The following NAT1 variants were observed in gnomAD, a reference collection of about 807,000 sequenced individuals.
NAT1 encodes the protein N-acetyltransferase 1.
For missense variants in NAT1, 400 were observed against 339.2 expected, an observed-to-expected ratio of 1.18 and a Z score of -1.41; for synonymous variants, 144 against 122.6, an observed-to-expected ratio of 1.17 and a Z score of -1.16.
chr8:18,203,562 C>T (rs1472976025), intron 2 of NAT1, among the ~76,000 whole-genome samples: 1 of 152,176 alleles, frequency 6.6e-6, no homozygotes, highest in African/African-American at 2.4e-5. Flanking sequence ...AAACAAATGG[C>T]CACAGTGAGG....
chr8:18,174,270 T>C (rs1400762156), intron 2 of NAT1, among the ~76,000 whole-genome samples: 1 of 152,172 alleles, frequency 6.6e-6, no homozygotes, highest in African/African-American at 2.4e-5. Flanking sequence ...CCACCATCAC[T>C]GATTACAACA....
intron 2 of NAT1, among the ~76,000 whole-genome samples, chr8:18,220,536 A>G (rs557283227): frequency 1.3e-5 from 2 of 152,326 alleles, no homozygotes; most frequent in Non-Finnish European, 1.5e-5. Flanking sequence ...CTTTTCTAAA[A>G]TATTTAACAA....
intron 2 of NAT1, among the ~76,000 whole-genome samples, chr8:18,200,525 G>T (rs901068029): frequency 1.3e-5 from 2 of 152,180 alleles, no homozygotes; most frequent in Non-Finnish European, 1.5e-5. Context: ...CAGACACCGG[G>T]ATCTACTTAA....
intron 2 of NAT1, among the ~76,000 whole-genome samples, chr8:18,192,857 G>A (rs1345546486): frequency 6.6e-6 from 1 of 151,740 alleles, no homozygotes; most frequent in African/African-American, 2.4e-5. Context: ...GGGGAAGGGG[G>A]GAGGGATAGC....
chr8:18,188,691 T>TATATTTTAG (rs1802844955), intron 2 of NAT1, among the ~76,000 whole-genome samples: 1 of 151,840 alleles, frequency 6.6e-6, no homozygotes, highest in South Asian at 2.1e-4. Flanking sequence ...ATGTAATAGA[T>TATATTTTAG]ATACCTACTT....
intron 2 of NAT1, 68 bp downstream of exon 2, chr8:18,219,557 CTT>C (rs1224193693): frequency 6.2e-6 from 5 of 805,898 alleles, no homozygotes; most frequent in Non-Finnish European, 8.0e-6. Context: ...TCCTTTAAGT[CTT>C]ATATTTATGA....
At chr8:18,190,424 T>A (rs1171598487) in intron 2 of NAT1, among the ~76,000 whole-genome samples, 2 of 152,254 alleles carry the variant, frequency 1.3e-5, no homozygotes, top group Non-Finnish European at 2.9e-5. Context: ...CAGTGTGACA[T>A]CACTCTAGTG....
At chr8:18,180,551 G>T (rs919610808) in intron 2 of NAT1, among the ~76,000 whole-genome samples, 1 of 152,018 alleles carries the variant, frequency 6.6e-6, no homozygotes, top group African/African-American at 2.4e-5. Flanking sequence ...TTTGATACTA[G>T]AATAATGCTG....
chr8:18,208,613 C>A (rs1220129381), upstream of NAT1, among the ~76,000 whole-genome samples: 1 of 152,184 alleles, frequency 6.6e-6, no homozygotes, highest in Non-Finnish European at 1.5e-5. Flanking sequence ...TCAAGTTCAA[C>A]AAATATCCTC....
intron 2 of NAT1, among the ~76,000 whole-genome samples, chr8:18,173,165 C>A (rs185874707): frequency 6.6e-6 from 1 of 152,012 alleles, no homozygotes; most frequent in Admixed American, 6.6e-5. Flanking sequence ...CACACACACA[C>A]ACACACACAC....
chr8:18,206,471 T>A (rs1803724802), upstream of NAT1, among the ~76,000 whole-genome samples: 1 of 152,234 alleles, frequency 6.6e-6, no homozygotes, highest in Admixed American at 6.5e-5. Context: ...GCTATTCCTC[T>A]AAGATCTTCA....
intron 2 of NAT1, among the ~76,000 whole-genome samples, chr8:18,189,714 C>G (rs1802901974): frequency 6.6e-6 from 1 of 152,148 alleles, no homozygotes; most frequent in African/African-American, 2.4e-5. Flanking sequence ...TGTGTTCCAC[C>G]TGCATGATGA....
At chr8:18,215,512 C>G (rs188060316) in intron 1 of NAT1, among the ~76,000 whole-genome samples, 133 of 152,208 alleles carry the variant, frequency 8.7e-4, no homozygotes, top group African/African-American at 3.1e-3. Flanking sequence ...AATTAGTATT[C>G]TAAGGTATGA....
At chr8:18,171,016 A>C (rs1190136035) in intron 2 of NAT1, among the ~76,000 whole-genome samples, 1 of 152,164 alleles carries the variant, frequency 6.6e-6, no homozygotes, top group Non-Finnish European at 1.5e-5. Context: ...ACAGTTAACT[A>C]GATTGGATCC....
In NAT1 at chr8:18,223,528, G is replaced by C. The variant is rs538789028; in HGVS notation, c.*608G>C. The C allele has an allele frequency of 3.7e-4, 61 of 167,038 alleles. No individual in the cohort carries two copies. The highest frequency in any genetic ancestry group is 1.5e-3 in the African/African-American group (61 of 41,516). 10.3% of individuals were successfully genotyped at this position (167,038 alleles called of 1,614,324 possible). On this transcript the variant is annotated 3_prime_UTR_variant, in exon 3 of 3. Transcript: ENST00000307719. Reference sequence around the variant, plus strand: ...AATTACTTTTTAGATCTGTAGCTCTGACTCCTCAGGCATAAAATGGGAATA... The same window carrying C: ...AATTACTTTTTAGATCTGTAGCTCTCACTCCTCAGGCATAAAATGGGAATA...
chr8:18,192,147 AAAAC>A (rs1252343449), intron 2 of NAT1, among the ~76,000 whole-genome samples: 6 of 151,856 alleles, frequency 4.0e-5, no homozygotes, highest in Non-Finnish European at 8.8e-5. Context: ...TTACAAGAAA[AAAAC>A]AAACAACCCC....
intron 2 of NAT1, among the ~76,000 whole-genome samples, chr8:18,179,156 G>C (rs951244710): frequency 6.6e-6 from 1 of 151,966 alleles, no homozygotes; most frequent in Non-Finnish European, 1.5e-5. Context: ...CTGATATTTG[G>C]TGTCTGTTCC....
intron 2 of NAT1, among the ~76,000 whole-genome samples, chr8:18,179,542 C>T (rs899478838): frequency 2.0e-5 from 3 of 152,086 alleles, no homozygotes; most frequent in African/African-American, 4.8e-5. Context: ...TAAGAAATGG[C>T]GTATTGAAAT....
At chr8:18,219,095 C>T (rs77670418) in intron 1 of NAT1, among the ~76,000 whole-genome samples, 16 of 152,096 alleles carry the variant, frequency 1.1e-4, no homozygotes, top group Non-Finnish European at 8.8e-5. Flanking sequence ...ACTTGGTTCA[C>T]CCTTCCTTGC....
Sources: allele counts gnomAD v4.1 joint callset (sites outside exome capture counted in the v4.1 genomes callset), GRCh38; gene constraint gnomAD v4.1.1; transcripts MANE v1.5; gene names NCBI Gene and HGNC (gene_info 2026-07-23, HGNC 2026-07-21).